The following CDH22 variants were observed in gnomAD, a reference collection of about 807,000 sequenced individuals.
CDH22 encodes the protein cadherin 22, also known as cadherin-22.
A neutral mutation model predicts 58.4 loss-of-function variants in CDH22; 30 were observed. That is an observed-to-expected ratio of 0.51 (90% CI 0.38 to 0.70). The LOEUF is 0.70. Among genes scored for constraint, CDH22 ranks in the 30% least tolerant of loss-of-function variants. The probability of loss-of-function intolerance (pLI) is 0.00; values close to 1 mark genes in which losing one functional copy is unlikely to be tolerated. For synonymous variants in CDH22, 513 were observed against 558.2 expected (o/e 0.92, Z 1.14); for missense variants, 1,014 against 1,233.9 (o/e 0.82, Z 2.67).
chr20:46,208,611 T>C (rs917937336), intron 7 of CDH22, among the ~76,000 whole-genome samples: 1 of 152,192 alleles, frequency 6.6e-6, no homozygotes, highest in African/African-American at 2.4e-5. Context: ...ATTTATTTAT[T>C]TTGAGACAGT....
rs540107006 is a variant in CDH22, at chr20:46,302,641, G to C, written c.-400+5614C>G. 8.0e-4 allele frequency among the ~76,000 whole-genome samples: 122 copies of C among 152,226 alleles called. No homozygotes were observed. The South Asian group carries it at 0.02, about 24-fold the overall frequency. Reference sequence around the variant, plus strand: ...ATTTTACAGACTCATCCTGGATGGTGAGCTCCTCCTTCCTCATGGCCTCAA... The same window carrying C: ...ATTTTACAGACTCATCCTGGATGGTCAGCTCCTCCTTCCTCATGGCCTCAA... On this transcript the variant is annotated intron_variant, in intron 1 of 11. Coordinates refer to ENST00000537909, the MANE Select transcript of CDH22 (RefSeq NM_021248.3).
At chr20:46,233,192 C>A (rs2145718165) in intron 3 of CDH22, among the ~76,000 whole-genome samples, 1 of 152,188 alleles carries the variant, frequency 6.6e-6, no homozygotes, top group African/African-American at 2.4e-5. Flanking sequence ...GGGTGAGGGG[C>A]CTGCTGCATT....
chr20:46,175,645 C>T lies in CDH22; in HGVS notation c.1916-568G>A, dbSNP rs372408515. Among the ~76,000 whole-genome samples the T allele has an allele frequency of 7.2e-5, 11 of 152,340 alleles. No individual in the cohort carries two copies. In the East Asian group the frequency reaches 1.2e-3, roughly 16 times the overall value. On this transcript the variant is annotated intron_variant, in intron 11 of 11. Coordinates refer to ENST00000537909, the MANE Select transcript of CDH22 (RefSeq NM_021248.3). ...CCTTCCCCTGCAAGATTCCCCAGGA[C>T]GGGGCTCCTTCCTCTATCATACTGG...
chr20:46,257,484 G>A (rs2086412271), intron 1 of CDH22, among the ~76,000 whole-genome samples: 1 of 152,152 alleles, frequency 6.6e-6, no homozygotes. Flanking sequence ...GGTCAGAAAT[G>A]GGGTTCAAGG....
chr20:46,231,080 C>T (rs902012194), intron 3 of CDH22, among the ~76,000 whole-genome samples: 1 of 152,186 alleles, frequency 6.6e-6, no homozygotes, highest in African/African-American at 2.4e-5. Context: ...TCCCCTACAG[C>T]TGGTCCAAGC....
chr20:46,307,561 T>C (rs9941764), intron 1 of CDH22, among the ~76,000 whole-genome samples: 108,519 of 151,536 alleles, frequency 0.72, 38,974 homozygotes, highest in Middle Eastern at 0.81. Context: ...TGGCTCTCGC[T>C]CACCGCCAGC....
intron 7 of CDH22, among the ~76,000 whole-genome samples, chr20:46,204,393 C>CA (rs3092239): frequency 0.018 from 1,384 of 77,168 alleles, 11 homozygotes; most frequent in Non-Finnish European, 0.023. Context: ...GACTCTGTCT[C>CA]AAAAAAAAAA....
intron 1 of CDH22, among the ~76,000 whole-genome samples, chr20:46,268,200 T>C (rs2086470681): frequency 2.6e-5 from 4 of 152,162 alleles, no homozygotes; most frequent in Non-Finnish European, 5.9e-5. Context: ...TGCTAAAAAC[T>C]CGGGCCGACC....
chr20:46,245,414 T>G (rs2086320964), intron 2 of CDH22, among the ~76,000 whole-genome samples: 2 of 152,216 alleles, frequency 1.3e-5, no homozygotes, highest in South Asian at 4.1e-4. Context: ...TGTCCCCAGC[T>G]GTCATGGGCC....
chr20:46,252,458 T>C (rs1232752755), intron 1 of CDH22, among the ~76,000 whole-genome samples: 1 of 152,246 alleles, frequency 6.6e-6, no homozygotes, highest in Non-Finnish European at 1.5e-5. Flanking sequence ...TCCATCTCTC[T>C]TCCCTTCTCT....
chr20:46,307,930 G>C (rs2059031150), intron 1 of CDH22, among the ~76,000 whole-genome samples: 1 of 151,806 alleles, frequency 6.6e-6, no homozygotes, highest in African/African-American at 2.4e-5. Flanking sequence ...GCCACCCCTC[G>C]GCCCGCGGGG....
At chr20:46,224,602 G>T (rs1320788337) in intron 4 of CDH22, among the ~76,000 whole-genome samples, 1 of 152,140 alleles carries the variant, frequency 6.6e-6, no homozygotes, top group African/African-American at 2.4e-5. Flanking sequence ...TCAGATTCCA[G>T]GGCACATTCA....
chr20:46,185,666 G>A (rs539671395), intron 10 of CDH22, among the ~76,000 whole-genome samples: 3 of 151,058 alleles, frequency 2.0e-5, no homozygotes, highest in Non-Finnish European at 3.0e-5. Flanking sequence ...CCAGGAGCTC[G>A]ATACCAGCCT....
At chr20:46,229,068 A>G (rs1305624574) in intron 3 of CDH22, among the ~76,000 whole-genome samples, 1 of 152,056 alleles carries the variant, frequency 6.6e-6, no homozygotes, top group Non-Finnish European at 1.5e-5. Flanking sequence ...CTCCATGTCA[A>G]CCATGTCAGA....
intron 1 of CDH22, among the ~76,000 whole-genome samples, chr20:46,282,870 T>C (rs1018099282): frequency 6.6e-6 from 1 of 152,134 alleles, no homozygotes; most frequent in Non-Finnish European, 1.5e-5. Context: ...TGCTCCCTCG[T>C]CACAAGCCTC....
chr20:46,301,908 A>G (rs907601713), intron 1 of CDH22, among the ~76,000 whole-genome samples: 1 of 152,220 alleles, frequency 6.6e-6, no homozygotes, highest in African/African-American at 2.4e-5. Flanking sequence ...TGAACTATAC[A>G]TGGCAATGTG....
intron 1 of CDH22, among the ~76,000 whole-genome samples, chr20:46,306,836 C>T (rs886260049): frequency 1.3e-5 from 2 of 151,942 alleles, no homozygotes; most frequent in African/African-American, 4.8e-5. Flanking sequence ...CTGAGGGGGA[C>T]GGAGTGGGCA....
At chr20:46,211,922 C>T (rs931488551) in intron 6 of CDH22, among the ~76,000 whole-genome samples, 2 of 151,562 alleles carry the variant, frequency 1.3e-5, no homozygotes, top group Non-Finnish European at 2.9e-5. Flanking sequence ...ATAAAATGAA[C>T]GATTACAGCA....
intron 1 of CDH22, among the ~76,000 whole-genome samples, chr20:46,287,070 C>T (rs978864121): frequency 5.9e-5 from 9 of 152,026 alleles, no homozygotes; most frequent in Admixed American, 2.6e-4. Context: ...GGGCATGGTC[C>T]GTCATCCCAT....
Sources: gnomAD v4.1 joint callset for allele counts (sites outside exome capture counted in the v4.1 genomes callset) on GRCh38, gnomAD v4.1.1 for gene constraint, MANE v1.5 for transcripts, NCBI Gene and HGNC (gene_info 2026-07-23, HGNC 2026-07-21) for gene names.